The following THSD4 variants were observed in gnomAD, a reference collection of about 807,000 sequenced individuals.
THSD4 encodes thrombospondin type-1 domain-containing protein 4.
A neutral mutation model predicts 119.0 loss-of-function variants in THSD4; 69 were observed. The ratio of observed to expected loss-of-function variants is 0.58; its 90% CI spans 0.48 to 0.71. THSD4 has a LOEUF of 0.71. Among genes scored for constraint, THSD4 ranks in the 30% least tolerant of loss-of-function variants. THSD4 has a pLI of 0.00. For synonymous variants in THSD4, 524 were observed against 540.4 expected (o/e 0.97, Z 0.42); for missense variants, 1,393 against 1,391.1 (o/e 1.00, Z -0.02).
intron 7 of THSD4, among the ~76,000 whole-genome samples, chr15:71,465,132 A>G (rs373647143): frequency 6.6e-6 from 1 of 152,040 alleles, no homozygotes; most frequent in South Asian, 2.1e-4. Flanking sequence ...AGCCACTGAA[A>G]TTCTTTAGTG....
chr15:71,450,612 A>C (rs2047249696), intron 7 of THSD4, among the ~76,000 whole-genome samples: 1 of 152,196 alleles, frequency 6.6e-6, no homozygotes, highest in African/African-American at 2.4e-5. Flanking sequence ...GACAAATTGG[A>C]GTCTGTGGAG....
In THSD4 at chr15:71,286,929, C is replaced by G. The variant is rs1472935258; in HGVS notation, c.1015+30214C>G. Among the ~76,000 whole-genome samples the G allele has an allele frequency of 2.6e-5, 4 of 152,122 alleles. No homozygotes were observed. In the East Asian group the frequency reaches 7.7e-4, roughly 29 times the overall value. The stretch of plus-strand genomic sequence containing the variant: ...TGATGCTGAGCTTTTAAAAAATATG[C>G]TTGTTATTGTCAATTTTATAGTAGG... On this transcript the variant is annotated intron_variant, in intron 6 of 17. Coordinates refer to ENST00000261862, the MANE Select transcript of THSD4 (RefSeq NM_024817.3).
chr15:71,442,654 G>GTATGTA (rs1555414306), intron 7 of THSD4, among the ~76,000 whole-genome samples: 1 of 20,618 alleles, frequency 4.9e-5, no homozygotes, highest in Non-Finnish European at 1.6e-4. Context: ...ATGTGTGTGT[G>GTATGTA]TGTGTGTATA....
At chr15:71,667,396 A>G (rs768808265) in intron 8 of THSD4, among the ~76,000 whole-genome samples, 60 of 152,218 alleles carry the variant, frequency 3.9e-4, no homozygotes, top group South Asian at 2.1e-4. Flanking sequence ...TCATTATGCA[A>G]CAGTTAAGAA....
rs576926632 is a variant in THSD4 at position 71,441,251 on chromosome 15, T to C, written c.1152+29428T>C. 6.8e-4 allele frequency among the ~76,000 whole-genome samples: 32 copies of C among 47,024 alleles called. No homozygotes were observed. In the East Asian group the frequency reaches 0.013, roughly 19 times the overall value. 30.8% of individuals were successfully genotyped at this position (47,024 alleles called of 152,430 possible). ...GGGAAGTCATTTGCATGGATCTTGA[T>C]GTCTGGGGGTAGCAAAGACAGGCAG... On this transcript the variant is annotated intron_variant, in intron 7 of 17. Transcript: ENST00000261862.
At chr15:71,279,552 A>G (rs541472150) in intron 6 of THSD4, among the ~76,000 whole-genome samples, 3 of 152,274 alleles carry the variant, frequency 2.0e-5, no homozygotes, top group Admixed American at 6.5e-5. Context: ...CTCCTTCTGC[A>G]TATGTTCTTG....
chr15:71,516,710 T>G (rs1460234487), intron 7 of THSD4, among the ~76,000 whole-genome samples: 1 of 152,224 alleles, frequency 6.6e-6, no homozygotes, highest in Non-Finnish European at 1.5e-5. Flanking sequence ...AATTTCACTT[T>G]TTTCTTGCTC....
chr15:71,256,020 C>CA (rs1030932369), intron 5 of THSD4, among the ~76,000 whole-genome samples: 7 of 152,020 alleles, frequency 4.6e-5, no homozygotes, highest in Admixed American at 1.3e-4. Context: ...TTATAGTGTG[C>CA]AAAAAAATAA....
chr15:71,724,805 G>A (rs927783726), intron 8 of THSD4, among the ~76,000 whole-genome samples: 18 of 151,716 alleles, frequency 1.2e-4, no homozygotes, highest in African/African-American at 3.9e-4. Context: ...ATTTGATGAC[G>A]GGTTAGATTT....
Position 71,344,217 on chromosome 15 carries a change from G to C in THSD4, c.1016-67470G>C, listed in dbSNP as rs1313805886. Among the ~76,000 whole-genome samples, 3 of 151,938 alleles carry C rather than the reference G, an allele frequency of 2.0e-5. No individual in the cohort carries two copies. The East Asian group carries it at 5.8e-4, about 29-fold the overall frequency. On this transcript the variant is annotated intron_variant, in intron 6 of 17. Coordinates refer to ENST00000261862, the MANE Select transcript of THSD4 (RefSeq NM_024817.3). ...CCACGCCCGACTAAATTTTGTTTTT[G>C]TATTTTTAATAGAGACGGGGTTTCA...
chr15:71,310,029 G>T (rs1410381623), intron 6 of THSD4, among the ~76,000 whole-genome samples: 1 of 152,138 alleles, frequency 6.6e-6, no homozygotes, highest in Non-Finnish European at 1.5e-5. Context: ...TAAAAGGTTG[G>T]GGAAGGATGT....
intron 6 of THSD4, among the ~76,000 whole-genome samples, chr15:71,272,396 CAAAAAAAAAAAAAAAAAAA>C (rs61293620): frequency 3.6e-5 from 2 of 55,562 alleles, no homozygotes; most frequent in African/African-American, 1.5e-4. Flanking sequence ...GACTCTGTCT[CAAAAAAAAAAAAAAAAAAA>C]AAAAAAAAGA....
chr15:71,238,214 T>C (rs1453056726), intron 4 of THSD4, among the ~76,000 whole-genome samples: 1 of 152,222 alleles, frequency 6.6e-6, no homozygotes, highest in Non-Finnish European at 1.5e-5. Context: ...CATTAAAAAT[T>C]GCTTTCAGAT....
At chr15:71,619,514 C>T (rs531370999) in intron 7 of THSD4, among the ~76,000 whole-genome samples, 1 of 152,246 alleles carries the variant, frequency 6.6e-6, no homozygotes, top group Admixed American at 6.5e-5. Context: ...CATTCAGTAG[C>T]CTGCTCCTAA....
intron 6 of THSD4, among the ~76,000 whole-genome samples, chr15:71,280,403 G>T (rs1057040769): frequency 6.6e-6 from 1 of 152,058 alleles, no homozygotes; most frequent in East Asian, 1.9e-4. Flanking sequence ...AATTAATCTG[G>T]CAGCAAAATC....
At chr15:71,107,257 T>G (rs1596201471) in intron 1 of THSD4, among the ~76,000 whole-genome samples, 1 of 152,168 alleles carries the variant, frequency 6.6e-6, no homozygotes, top group Non-Finnish European at 1.5e-5. Flanking sequence ...ACATGTGCAA[T>G]TAACTTAATC....
chr15:71,486,959 C>G (rs1381320212), intron 7 of THSD4, among the ~76,000 whole-genome samples: 1 of 152,200 alleles, frequency 6.6e-6, no homozygotes, highest in Non-Finnish European at 1.5e-5. Context: ...CCCACCAGTT[C>G]AGAAAGCTTT....
At chr15:71,694,832 G>A (rs1374475261) in intron 8 of THSD4, among the ~76,000 whole-genome samples, 1 of 152,000 alleles carries the variant, frequency 6.6e-6, no homozygotes, top group African/African-American at 2.4e-5. Context: ...AGACCCCACA[G>A]GACCACAGCA....
chr15:71,326,235 A>G (rs2045335745), intron 6 of THSD4, among the ~76,000 whole-genome samples: 1 of 152,236 alleles, frequency 6.6e-6, no homozygotes, highest in South Asian at 2.1e-4. Context: ...AAAAAATGAT[A>G]CATACTCTAC....
Sources: gnomAD v4.1 joint callset for allele counts (sites outside exome capture counted in the v4.1 genomes callset) on GRCh38, gnomAD v4.1.1 for gene constraint, MANE v1.5 for transcripts, NCBI Gene and HGNC (gene_info 2026-07-23, HGNC 2026-07-21) for gene names.